The following SLC14A2 variants were observed in gnomAD, a reference collection of about 807,000 sequenced individuals.
SLC14A2 encodes the protein urea transporter 2.
SLC14A2 carries 91 observed loss-of-function variants against 104.6 expected under a neutral mutation model. The ratio of observed to expected loss-of-function variants is 0.87; its 90% CI spans 0.73 to 1.04. The LOEUF (loss-of-function observed/expected upper bound fraction) is 1.04, where lower values mean the gene tolerates loss of function less well. Among genes scored for constraint, SLC14A2 ranks in the 50% least tolerant of loss-of-function variants. The probability of loss-of-function intolerance (pLI) is 0.00; values close to 1 mark genes in which losing one functional copy is unlikely to be tolerated. For missense variants in SLC14A2, 1,189 were observed against 1,156.0 expected, an observed-to-expected ratio of 1.03 and a Z score of -0.41; for synonymous variants, 476 against 466.4, an observed-to-expected ratio of 1.02 and a Z score of -0.27.
At chr18:45,482,821 C>T (rs1184844552) in intron 1 of SLC14A2, among the ~76,000 whole-genome samples, 1 of 152,090 alleles carries the variant, frequency 6.6e-6, no homozygotes, top group Non-Finnish European at 1.5e-5. Flanking sequence ...GGTGAGAACA[C>T]AAGGGGGTGG....
At chr18:45,288,207 C>T (rs1169792719) in intron 1 of SLC14A2, among the ~76,000 whole-genome samples, 4 of 152,180 alleles carry the variant, frequency 2.6e-5, no homozygotes, top group Non-Finnish European at 4.4e-5. Flanking sequence ...AGGAATGCTT[C>T]CTTGTGTTTC....
intron 1 of SLC14A2, among the ~76,000 whole-genome samples, chr18:45,462,077 A>G (rs1485073688): frequency 6.6e-6 from 1 of 152,220 alleles, no homozygotes; most frequent in Non-Finnish European, 1.5e-5. Context: ...TCAAGTTATC[A>G]TTGAATGAGT....
intron 2 of SLC14A2, among the ~76,000 whole-genome samples, chr18:45,532,242 TCATTGGTAG>T (rs2043705019): frequency 6.6e-6 from 1 of 152,162 alleles, no homozygotes; most frequent in South Asian, 2.1e-4. Context: ...GTGAAGAAAG[TCATTGGTAG>T]CTTGATGGGG....
chr18:45,530,090 C>T (rs1351830314), intron 2 of SLC14A2, among the ~76,000 whole-genome samples: 1 of 152,120 alleles, frequency 6.6e-6, no homozygotes. Flanking sequence ...AGTGAATTTC[C>T]TAGAAATTAA....
intron 1 of SLC14A2, among the ~76,000 whole-genome samples, chr18:45,354,171 T>C (rs1269929857): frequency 6.6e-6 from 1 of 152,234 alleles, no homozygotes; most frequent in Non-Finnish European, 1.5e-5. Flanking sequence ...TTACCTACAC[T>C]ATAACCAGTA....
chr18:45,393,460 A>G (rs1054857737), intron 1 of SLC14A2, among the ~76,000 whole-genome samples: 1 of 152,190 alleles, frequency 6.6e-6, no homozygotes, highest in African/African-American at 2.4e-5. Flanking sequence ...AGTTGCTTCA[A>G]TAGGATAACA....
At chr18:45,233,757 C>G (rs1225230841) in intron 1 of SLC14A2, among the ~76,000 whole-genome samples, 1 of 136,962 alleles carries the variant, frequency 7.3e-6, no homozygotes, top group Non-Finnish European at 1.6e-5. Context: ...CCCCACCCCC[C>G]GCTTCCCCCG....
intron 18 of SLC14A2, among the ~76,000 whole-genome samples, chr18:45,675,685 C>CTATATATATATATA: frequency 1.2e-5 from 1 of 80,632 alleles, no homozygotes; most frequent in East Asian, 4.1e-4. Flanking sequence ...CAGCTAATTT[C>CTATATATATATATA]TATATATATA....
At chr18:45,177,651 C>T in the SLC14A2 span, among the ~76,000 whole-genome samples, 4 of 152,092 alleles carry the variant, frequency 2.6e-5, no homozygotes, top group Non-Finnish European at 5.9e-5. Context: ...TGATCACTTC[C>T]AATATTCACT....
At chr18:45,318,660 G>A (rs2085154988) in intron 1 of SLC14A2, among the ~76,000 whole-genome samples, 2 of 151,946 alleles carry the variant, frequency 1.3e-5, no homozygotes, top group Non-Finnish European at 2.9e-5. Flanking sequence ...GGTGGTGGGT[G>A]CCTGTCATCC....
intron 1 of SLC14A2, among the ~76,000 whole-genome samples, chr18:45,277,626 C>G (rs934787435): frequency 5.3e-5 from 8 of 152,236 alleles, no homozygotes; most frequent in African/African-American, 1.9e-4. Context: ...TCAGGCTGGT[C>G]TTAAACTCCT....
intron 2 of SLC14A2, among the ~76,000 whole-genome samples, chr18:45,489,115 A>G (rs1304377108): frequency 1.3e-5 from 2 of 152,242 alleles, no homozygotes; most frequent in African/African-American, 4.8e-5. Context: ...GAGAAACATC[A>G]TTGCCTTTCT....
intron 2 of SLC14A2, among the ~76,000 whole-genome samples, chr18:45,496,736 T>G (rs1489338660): frequency 2.0e-5 from 3 of 152,128 alleles, no homozygotes; most frequent in Admixed American, 1.3e-4. Flanking sequence ...TGAGCCAAGA[T>G]TGCACCACTG....
intron 1 of SLC14A2, among the ~76,000 whole-genome samples, chr18:45,374,213 T>C (rs1337759470): frequency 6.6e-6 from 1 of 152,222 alleles, no homozygotes; most frequent in Non-Finnish European, 1.5e-5. Flanking sequence ...GTGACAGCCT[T>C]GTCTCCATGC....
intron 2 of SLC14A2, among the ~76,000 whole-genome samples, chr18:45,513,276 T>G (rs1000311242): frequency 6.6e-6 from 1 of 152,214 alleles, no homozygotes; most frequent in Non-Finnish European, 1.5e-5. Flanking sequence ...GTACAAAATC[T>G]TTCAAACCTG....
intron 2 of SLC14A2, among the ~76,000 whole-genome samples, chr18:45,484,296 G>C (rs2087554618): frequency 6.6e-6 from 1 of 152,154 alleles, no homozygotes; most frequent in Admixed American, 6.6e-5. Context: ...CCTCACTGGT[G>C]AAAACTAATC....
At chr18:45,172,767 T>C in the SLC14A2 span, among the ~76,000 whole-genome samples, 4 of 152,112 alleles carry the variant, frequency 2.6e-5, no homozygotes, top group Admixed American at 1.3e-4. Context: ...CATCCATAGA[T>C]TGTCTCAACC....
chr18:45,665,334 G>A (rs542646442), intron 11 of SLC14A2, among the ~76,000 whole-genome samples: 22 of 152,262 alleles, frequency 1.4e-4, no homozygotes, highest in Middle Eastern at 3.4e-3. Flanking sequence ...ACTTCCAGGG[G>A]CCTGAACATC....
intron 2 of SLC14A2, among the ~76,000 whole-genome samples, chr18:45,583,354 A>G (rs1408814232): frequency 6.6e-6 from 1 of 152,168 alleles, no homozygotes. Context: ...CTGCCCCTGC[A>G]TCTCACCCTC....
Sources: gnomAD v4.1 joint callset for allele counts (sites outside exome capture counted in the v4.1 genomes callset) on GRCh38, gnomAD v4.1.1 for gene constraint, MANE v1.5 for transcripts, NCBI Gene and HGNC (gene_info 2026-07-23, HGNC 2026-07-21) for gene names.